Variants in TENM2 observed in about 807,000 individuals in gnomAD.
The protein encoded by TENM2 is teneurin-2.
A neutral mutation model predicts 245.2 loss-of-function variants in TENM2; 52 were observed. That is an observed-to-expected ratio of 0.21 (90% CI 0.17 to 0.27). The LOEUF (loss-of-function observed/expected upper bound fraction) is 0.27. TENM2 is among the 10% of genes least tolerant of loss of function. The pLI, the probability that TENM2 is intolerant of heterozygous loss-of-function variation, is 1.00. For synonymous variants in TENM2, 1,363 were observed against 1,438.9 expected (o/e 0.95, Z 1.19); for missense variants, 3,046 against 3,666.8 (o/e 0.83, Z 4.37).
At chr5:167,522,709 A>G (rs1770844421) in intron 2 of TENM2, among the ~76,000 whole-genome samples, 1 of 152,104 alleles carries the variant, frequency 6.6e-6, no homozygotes, top group Non-Finnish European at 1.5e-5. Flanking sequence ...AGATTCATCT[A>G]AGGGATAATG....
chr5:167,270,441 C>T, the TENM2 span, among the ~76,000 whole-genome samples: 9 of 152,088 alleles, frequency 5.9e-5, no homozygotes, highest in Non-Finnish European at 1.3e-4. Flanking sequence ...CCTCATAATG[C>T]CTTCAAGGTA....
chr5:167,459,534 A>G (rs1435709030), intron 2 of TENM2, among the ~76,000 whole-genome samples: 7 of 152,212 alleles, frequency 4.6e-5, no homozygotes, highest in Admixed American at 3.9e-4. Context: ...TTACCAGACC[A>G]TATGTTATCA....
chr5:167,114,165 GT>G, the TENM2 span, among the ~76,000 whole-genome samples: 2 of 152,030 alleles, frequency 1.3e-5, no homozygotes, highest in African/African-American at 4.8e-5. Flanking sequence ...TCCATCAAAC[GT>G]TTTTCTTCTG....
chr5:167,567,006 AAAT>A (rs1228136737), intron 2 of TENM2, among the ~76,000 whole-genome samples: 1 of 152,058 alleles, frequency 6.6e-6, no homozygotes, highest in Non-Finnish European at 1.5e-5. Context: ...TTTATAAGCA[AAAT>A]AATTTGTTTT....
chr5:167,673,571 G>A (rs767256371), intron 2 of TENM2, among the ~76,000 whole-genome samples: 2 of 152,050 alleles, frequency 1.3e-5, no homozygotes, highest in South Asian at 4.1e-4. Flanking sequence ...TCAGTATTTA[G>A]CATACCAAAT....
chr5:167,251,240 T>C, the TENM2 span, among the ~76,000 whole-genome samples: 1 of 152,074 alleles, frequency 6.6e-6, no homozygotes, highest in East Asian at 1.9e-4. Context: ...GGCTGCGTAA[T>C]TGCAGTTGCT....
chr5:167,373,895 C>T (rs940202004), intron 1 of TENM2, among the ~76,000 whole-genome samples: 2 of 152,180 alleles, frequency 1.3e-5, no homozygotes, highest in African/African-American at 2.4e-5. Flanking sequence ...TAATAACACA[C>T]GTTTATAGAA....
chr5:167,867,855 C>T (rs2151323790), intron 2 of TENM2, among the ~76,000 whole-genome samples: 1 of 152,308 alleles, frequency 6.6e-6, no homozygotes. Flanking sequence ...CATGCTGAAA[C>T]TTCCCCCAGT....
chr5:167,760,329 C>T (rs920526546), intron 2 of TENM2, among the ~76,000 whole-genome samples: 1 of 152,118 alleles, frequency 6.6e-6, no homozygotes, highest in South Asian at 2.1e-4. Context: ...GATGGTGACA[C>T]TTTCTGTTAT....
At chr5:167,067,313 CT>C in the TENM2 span, among the ~76,000 whole-genome samples, 1 of 151,744 alleles carries the variant, frequency 6.6e-6, no homozygotes, top group East Asian at 1.9e-4. Flanking sequence ...ATTTTTTTTC[CT>C]TTTTTTGAAG....
In TENM2 at chr5:167,285,006, T is replaced by C. The variant is rs768754959; in HGVS notation, c.169T>C (p.Tyr57His). 97 of 1,551,990 alleles carry C rather than the reference T, an allele frequency of 6.3e-5. No individual in the cohort carries two copies. The highest frequency in any genetic ancestry group is 8.2e-5 in the Non-Finnish European group (94 of 1,147,080). ...CTATGACCATGACAGCAGGATGCAC[T>C]ATGGAAACCGAGTCACAGACCTCAT... Residue 57 changes from tyrosine (Y) to histidine (H), a missense_variant, in exon 1 of 29, where the codon TAT becomes CAT. This residue lies in a region of TENM2 where 342 missense variants were observed against 335.0 expected (regional missense o/e 1.02). Transcript: ENST00000518659.
At position 167,700,011 on chromosome 5, in the gene TENM2, C is replaced by A. The variant is rs74409909; in HGVS notation, c.503-175975C>A. 5.3e-5 allele frequency among the ~76,000 whole-genome samples: 8 copies of A among 152,242 alleles called. No individual in the cohort carries two copies. In the East Asian group the frequency reaches 1.5e-3, roughly 29 times the overall value. ...GTAAATGCAATAATATATTGGGGTT[C>A]AGGGAAAATTTTTACATAGCACTTT... is the stretch of plus-strand genomic sequence containing the variant. On this transcript the variant is annotated intron_variant, in intron 2 of 28. Transcript: ENST00000518659.
intron 1 of TENM2, among the ~76,000 whole-genome samples, chr5:167,298,065 A>T (rs1755061775): frequency 6.6e-6 from 1 of 152,172 alleles, no homozygotes; most frequent in African/African-American, 2.4e-5. Context: ...TATATTAATA[A>T]GAAAAATAAA....
the TENM2 span, among the ~76,000 whole-genome samples, chr5:167,076,409 AAG>A: frequency 6.6e-6 from 1 of 152,196 alleles, no homozygotes; most frequent in Admixed American, 6.5e-5. Context: ...TGCCTTTGAT[AAG>A]AGCTACACAA....
At chr5:167,175,094 C>T in the TENM2 span, among the ~76,000 whole-genome samples, 1 of 152,116 alleles carries the variant, frequency 6.6e-6, no homozygotes, top group Non-Finnish European at 1.5e-5. Flanking sequence ...GCATTGACGT[C>T]GTTTCTCTAT....
Position 168,158,850 on chromosome 5 carries a change from T to TATATATATATACAC in TENM2, c.2423-3760_2423-3759insTATATATATACACA, listed in dbSNP as rs1339051385. 2.0e-3 allele frequency among the ~76,000 whole-genome samples: 127 copies of TATATATATATACAC among 62,224 alleles called. 1 individual carries two copies. The highest frequency in any genetic ancestry group is 4.4e-3 in the African/African-American group (72 of 16,298). 40.8% of individuals were successfully genotyped at this position (62,224 alleles called of 152,430 possible). A position where few individuals can be genotyped will look rare whatever the true frequency, so the allele number is the denominator to read the frequency against. On this transcript the variant is annotated intron_variant, in intron 12 of 28. Transcript: ENST00000518659. ...GTGTGTATATATATATATATATATA[T>TATATATATATACAC]ACACACACACACACACACATATATA...
chr5:167,753,336 C>T (rs924917810), intron 2 of TENM2, among the ~76,000 whole-genome samples: 7 of 152,142 alleles, frequency 4.6e-5, no homozygotes, highest in Non-Finnish European at 1.0e-4. Context: ...ATGAGACTAT[C>T]CTGGCTCTGT....
chr5:168,045,301 A>G (rs1170481178), intron 5 of TENM2, among the ~76,000 whole-genome samples: 1 of 152,208 alleles, frequency 6.6e-6, no homozygotes, highest in Non-Finnish European at 1.5e-5. Flanking sequence ...GGAACCCAAA[A>G]CAAAGAAAAA....
the TENM2 span, chr5:167,168,179 A>G: frequency 1.3e-5 from 2 of 152,236 alleles, no homozygotes; most frequent in Admixed American, 6.5e-5. Context: ...CTTTCTGTGT[A>G]TAAGTTTGAA....
Sources: gnomAD v4.1 joint callset for allele counts (sites outside exome capture counted in the v4.1 genomes callset) on GRCh38, gnomAD v4.1.1 for gene constraint, gnomAD v4.1.1 regional missense constraint, MANE v1.5 for transcripts, NCBI Gene and HGNC (gene_info 2026-07-23, HGNC 2026-07-21) for gene names.